The following SLC22A23 variants were observed in gnomAD, a reference collection of about 807,000 sequenced individuals.
SLC22A23 encodes the protein solute carrier family 22 member 23.
SLC22A23 carries 26 observed loss-of-function variants against 61.0 expected under a neutral mutation model. That is an observed-to-expected ratio of 0.43 (90% CI 0.31 to 0.59). The LOEUF (loss-of-function observed/expected upper bound fraction) is 0.59. Among genes scored for constraint, SLC22A23 ranks in the 20% least tolerant of loss-of-function variants. The pLI, the probability that SLC22A23 is intolerant of heterozygous loss-of-function variation, is 0.11. For missense variants in SLC22A23, 796 were observed against 934.7 expected, an observed-to-expected ratio of 0.85 and a Z score of 1.94; for synonymous variants, 430 against 413.9, an observed-to-expected ratio of 1.04 and a Z score of -0.47.
At chr6:3,357,204 T>A (rs1765165951) in intron 3 of SLC22A23, among the ~76,000 whole-genome samples, 1 of 152,206 alleles carries the variant, frequency 6.6e-6, no homozygotes, top group Non-Finnish European at 1.5e-5. Context: ...GTATCATTGT[T>A]TTTGCCAAAC....
In SLC22A23 at chr6:3,271,909, G is replaced by A. The variant is rs1478228333; in HGVS notation, c.*1146C>T. ...GGAGGTCATTTGGACTCACCTATGA[G>A]GAATCTCCGCTCCCTGCCCGAAGCC... On this transcript the variant is annotated 3_prime_UTR_variant, in exon 10 of 10. Transcript: ENST00000406686. The A allele has an allele frequency of 6.6e-6, 1 of 152,406 alleles. No individual in the cohort carries two copies. The highest frequency in any genetic ancestry group is 1.5e-5 in the Non-Finnish European group (1 of 68,118). 9.4% of individuals were successfully genotyped at this position (152,406 alleles called of 1,614,324 possible).
chr6:3,282,498 A>G (rs1046726692), intron 9 of SLC22A23, among the ~76,000 whole-genome samples: 5 of 152,246 alleles, frequency 3.3e-5, no homozygotes, highest in Non-Finnish European at 5.9e-5. Flanking sequence ...AAATGTGGAA[A>G]GTAAGAAAGT....
At chr6:3,339,734 T>C (rs1239348041) in intron 3 of SLC22A23, among the ~76,000 whole-genome samples, 2 of 152,168 alleles carry the variant, frequency 1.3e-5, no homozygotes, top group African/African-American at 4.8e-5. Context: ...TTACCCTATG[T>C]GGTCTATAAA....
At chr6:3,412,239 T>C (rs917191921) in intron 2 of SLC22A23, among the ~76,000 whole-genome samples, 3 of 152,128 alleles carry the variant, frequency 2.0e-5, no homozygotes, top group African/African-American at 7.2e-5. Context: ...TCCCGAAAAA[T>C]GGTGGCTAAA....
chr6:3,435,854 A>G (rs1771175303), intron 1 of SLC22A23, among the ~76,000 whole-genome samples: 1 of 152,202 alleles, frequency 6.6e-6, no homozygotes, highest in Non-Finnish European at 1.5e-5. Flanking sequence ...TGGTGTCCTT[A>G]CAAGGAGAGA....
rs115903134 is a variant in SLC22A23 at position 3,329,363 on chromosome 6, G to A, written c.914-5361C>T. ...ACTCTTGAATGCTTATGACCATAGA[G>A]AGAATATACATTTTCTTGGGATTGC... On this transcript the variant is annotated intron_variant, in intron 3 of 9. Coordinates refer to ENST00000406686, the MANE Select transcript of SLC22A23 (RefSeq NM_015482.2). This position sits in a 1 kb window ranked among gnomAD's most constrained non-coding sequence, Gnocchi z 4.8. Among the ~76,000 whole-genome samples the A allele has an allele frequency of 8.0e-3, 1,220 of 152,314 alleles. 5 individuals are homozygous for A. Among genetic ancestry groups the A allele is most frequent in the Non-Finnish European group, 0.012 (846 of 68,032 alleles).
intron 1 of SLC22A23, among the ~76,000 whole-genome samples, chr6:3,439,070 C>T (rs1487774559): frequency 6.8e-6 from 1 of 147,666 alleles, no homozygotes; most frequent in African/African-American, 2.7e-5. Flanking sequence ...TATTTGGGGC[C>T]GGATCTGACC....
In SLC22A23 at chr6:3,289,757, GACTC is replaced by G; in HGVS notation, c.1313+3_1313+6del. ...CACCCAGCTGGCACTTGTCCTCTGT[GACTC>G]ACGAGTTCACACACAGGACCACAAT... On this transcript the variant is annotated splice_donor_5th_base_variant and intron_variant, in intron 6 of 9. Transcript: ENST00000406686. 1 of 1,612,728 alleles carries G rather than the reference GACTC, an allele frequency of 6.2e-7. No homozygotes were observed.
intron 6 of SLC22A23, among the ~76,000 whole-genome samples, chr6:3,288,849 G>A (rs1017187524): frequency 6.6e-6 from 1 of 152,200 alleles, no homozygotes; most frequent in Non-Finnish European, 1.5e-5. Context: ...AGCTCAGGAT[G>A]AGGCTCTACT....
intron 4 of SLC22A23, among the ~76,000 whole-genome samples, chr6:3,307,880 A>G (rs546868504): frequency 6.6e-6 from 1 of 152,222 alleles, no homozygotes; most frequent in Non-Finnish European, 1.5e-5. Flanking sequence ...CCATTTGTAC[A>G]ATGGAATATG....
chr6:3,375,468 T>C (rs986847550), intron 3 of SLC22A23, among the ~76,000 whole-genome samples: 2 of 152,240 alleles, frequency 1.3e-5, no homozygotes, highest in Admixed American at 6.5e-5. Context: ...CTGACTATGG[T>C]AGTGGTGCAC....
intron 6 of SLC22A23, among the ~76,000 whole-genome samples, chr6:3,287,786 T>C (rs1007038742): frequency 3.3e-5 from 5 of 151,754 alleles, no homozygotes; most frequent in Admixed American, 2.0e-4. Flanking sequence ...CTGGTTCAAG[T>C]GATTCTCCTG....
In SLC22A23 at chr6:3,318,167, T is replaced by C. The variant is rs569811387; in HGVS notation, c.1082+5667A>G. ...CAGAACTCTGCAACCCTGCGGCTGCTGCCTATTAACCAAGCCTTTGTATTT... is the reference window on the plus strand; with the variant it reads ...CAGAACTCTGCAACCCTGCGGCTGCCGCCTATTAACCAAGCCTTTGTATTT... On this transcript the variant is annotated intron_variant, in intron 4 of 9. Coordinates refer to ENST00000406686, the MANE Select transcript of SLC22A23 (RefSeq NM_015482.2). This position sits in a 1 kb window ranked among gnomAD's most constrained non-coding sequence, Gnocchi z 4.3. Among the ~76,000 whole-genome samples the C allele has an allele frequency of 6.6e-6, 1 of 152,318 alleles. No individual in the cohort carries two copies. Among genetic ancestry groups the C allele is most frequent in the African/African-American group, 2.4e-5 (1 of 41,574 alleles).
intron 3 of SLC22A23, among the ~76,000 whole-genome samples, chr6:3,341,591 T>C (rs1431652735): frequency 6.6e-6 from 1 of 152,226 alleles, no homozygotes; most frequent in African/African-American, 2.4e-5. Context: ...TAGATGACAT[T>C]CAAATGTAAA....
intron 9 of SLC22A23, chr6:3,282,153 G>C: frequency 1.4e-6 from 1 of 700,228 alleles, no homozygotes; most frequent in Non-Finnish European, 2.6e-6. Flanking sequence ...CAGAAGGTCT[G>C]ACTGTGGATT....
intron 3 of SLC22A23, among the ~76,000 whole-genome samples, chr6:3,409,426 TCTA>T (rs1175197980): frequency 6.6e-6 from 1 of 152,224 alleles, no homozygotes; most frequent in Non-Finnish European, 1.5e-5. Context: ...TGCTACTTAA[TCTA>T]TACCTGACTC....
At chr6:3,378,423 G>C (rs367827419) in intron 3 of SLC22A23, among the ~76,000 whole-genome samples, 2 of 152,116 alleles carry the variant, frequency 1.3e-5, no homozygotes, top group African/African-American at 2.4e-5. Flanking sequence ...TTTACAAAGC[G>C]ACCATTGCTG....
At chr6:3,369,614 C>A (rs943531255) in intron 3 of SLC22A23, among the ~76,000 whole-genome samples, 4 of 151,320 alleles carry the variant, frequency 2.6e-5, no homozygotes, top group African/African-American at 7.3e-5. Context: ...TGGCTTCAAT[C>A]TGGGAGGTGG....
intron 5 of SLC22A23, chr6:3,290,232 C>T (rs1760454611): frequency 3.0e-6 from 1 of 329,362 alleles, no homozygotes; most frequent in African/African-American, 2.2e-5. Context: ...GTTACTGAGG[C>T]ACTCATTAGG....
Sources: allele counts gnomAD v4.1 joint callset (sites outside exome capture counted in the v4.1 genomes callset), GRCh38; gene constraint gnomAD v4.1.1; non-coding constraint Gnocchi (gnomAD v3.1); transcripts MANE v1.5; gene names NCBI Gene and HGNC (gene_info 2026-07-23, HGNC 2026-07-21).